The following HERC3 variants were observed in gnomAD, a reference collection of about 807,000 sequenced individuals.
The protein encoded by HERC3 is probable E3 ubiquitin-protein ligase HERC3.
HERC3 carries 58 observed loss-of-function variants against 129.9 expected under a neutral mutation model. The ratio of observed to expected loss-of-function variants is 0.45; its 90% confidence interval spans 0.36 to 0.56. The LOEUF is 0.56. Among genes scored for constraint, HERC3 ranks in the 20% least tolerant of loss-of-function variants. The pLI is 0.00. For synonymous variants in HERC3, 430 were observed against 451.0 expected (o/e 0.95, Z 0.59); for missense variants, 835 against 1,244.2 (o/e 0.67, Z 4.95).
intron 21 of HERC3, among the ~76,000 whole-genome samples, chr4:88,682,539 T>C: frequency 6.9e-6 from 1 of 145,432 alleles, no homozygotes; most frequent in Non-Finnish European, 1.5e-5. Flanking sequence ...GTTCTCATTG[T>C]TCAATTCCCA....
chr4:88,581,322 C>T, the HERC3 span, among the ~76,000 whole-genome samples: 17 of 150,212 alleles, frequency 1.1e-4, no homozygotes, highest in Admixed American at 6.0e-4. Flanking sequence ...TTTTTTGAGA[C>T]GGAGTTTCGC....
the HERC3 span, among the ~76,000 whole-genome samples, chr4:88,548,514 T>G: frequency 1.3e-5 from 2 of 152,326 alleles, no homozygotes; most frequent in East Asian, 3.9e-4. Flanking sequence ...GAGAAATGTA[T>G]GCTCAGATCC....
intron 16 of HERC3, among the ~76,000 whole-genome samples, chr4:88,671,441 A>G (rs1010657178): frequency 6.6e-6 from 1 of 152,202 alleles, no homozygotes; most frequent in African/African-American, 2.4e-5. Context: ...GCTAGACACA[A>G]TGTTGTATTT....
chr4:88,639,119 A>T (rs992818287), intron 3 of HERC3, among the ~76,000 whole-genome samples: 5 of 152,356 alleles, frequency 3.3e-5, no homozygotes, highest in South Asian at 2.1e-4. Context: ...AGAACATTCC[A>T]TCCTCATGGA....
chr4:88,653,217 G>C (rs1729485133), intron 6 of HERC3, 127 bp downstream of exon 6: 1 of 871,214 alleles, frequency 1.1e-6, no homozygotes, highest in Admixed American at 2.4e-5. Flanking sequence ...ACACAATAGA[G>C]AACATCCTCG....
chr4:88,684,499 CAAAACCCTAGAAGA>C (rs1181784216), intron 21 of HERC3, among the ~76,000 whole-genome samples: 24 of 151,780 alleles, frequency 1.6e-4, no homozygotes, highest in Non-Finnish European at 3.2e-4. Flanking sequence ...TGTAAAAACC[CAAAACCCTAGAAGA>C]AAAACCCTAG....
chr4:88,664,122 G>T, intron 11 of HERC3, 31 bp from the exon 12 acceptor site: 1 of 1,586,210 alleles, frequency 6.3e-7, no homozygotes, highest in Non-Finnish European at 8.6e-7. Flanking sequence ...AATTATTAAA[G>T]GCTTCCCCCT....
chr4:88,671,759 A>G (rs887529334), intron 16 of HERC3, among the ~76,000 whole-genome samples: 1 of 152,140 alleles, frequency 6.6e-6, no homozygotes, highest in African/African-American at 2.4e-5. Context: ...CATGAGCTCA[A>G]GTGATTCACC....
chr4:88,570,647 A>G, the HERC3 span, among the ~76,000 whole-genome samples: 1 of 152,194 alleles, frequency 6.6e-6, no homozygotes, highest in Non-Finnish European at 1.5e-5. Context: ...AGCTGATGTT[A>G]GTTAATATTT....
the HERC3 span, among the ~76,000 whole-genome samples, chr4:88,543,271 A>T: frequency 2.0e-5 from 3 of 152,256 alleles, no homozygotes; most frequent in African/African-American, 7.2e-5. Flanking sequence ...TGCAAATATC[A>T]CAAGCATTCC....
At chr4:88,615,027 A>T (rs1724748653) in intron 3 of HERC3, among the ~76,000 whole-genome samples, 1 of 152,174 alleles carries the variant, frequency 6.6e-6, no homozygotes. Context: ...ATACCTACAC[A>T]CATTATAAGG....
intron 2 of HERC3, 128 bp downstream of exon 2, chr4:88,595,742 A>T (rs1383962333): frequency 6.6e-6 from 1 of 152,132 alleles, no homozygotes; most frequent in Non-Finnish European, 1.5e-5. Context: ...ACCTAAACAA[A>T]TCTCAGTGCC....
At chr4:88,601,244 GC>G (rs1289343162) in intron 2 of HERC3, among the ~76,000 whole-genome samples, 1 of 152,152 alleles carries the variant, frequency 6.6e-6, no homozygotes, top group East Asian at 1.9e-4. Context: ...TTTCCTGAAA[GC>G]CTCAAGAGTT....
chr4:88,672,627 C>T (rs999535466), intron 16 of HERC3, among the ~76,000 whole-genome samples: 17 of 152,162 alleles, frequency 1.1e-4, no homozygotes, highest in African/African-American at 4.1e-4. Flanking sequence ...TTATTGAGCA[C>T]ATGCTCCAGT....
intron 9 of HERC3, among the ~76,000 whole-genome samples, chr4:88,657,597 C>G (rs574708968): frequency 1.1e-3 from 173 of 152,294 alleles, no homozygotes; most frequent in Non-Finnish European, 2.2e-3. Context: ...CTTCCATGGT[C>G]CTAAATTTGT....
chr4:88,673,243 C>G (rs1458268190), intron 16 of HERC3, among the ~76,000 whole-genome samples: 1 of 152,144 alleles, frequency 6.6e-6, no homozygotes, highest in Non-Finnish European at 1.5e-5. Context: ...TGTTTTGTCC[C>G]CAGTTATGAG....
intron 23 of HERC3, among the ~76,000 whole-genome samples, chr4:88,690,920 G>T (rs1192968215): frequency 6.6e-6 from 1 of 152,154 alleles, no homozygotes. Context: ...TTTGTTTAGG[G>T]TGATAAGCTG....
chr4:88,529,440 G>A, the HERC3 span, among the ~76,000 whole-genome samples: 1 of 152,260 alleles, frequency 6.6e-6, no homozygotes, highest in East Asian at 1.9e-4. Context: ...CTAGGAGACA[G>A]AGCAAGACCC....
At chr4:88,655,378 T>G (rs956327851) in intron 8 of HERC3, 74 bp downstream of exon 8, 5 of 1,528,424 alleles carry the variant, frequency 3.3e-6, no homozygotes, top group Admixed American at 3.4e-5. Context: ...TGATGAAGAA[T>G]GTGATTATAC....
Sources: allele counts gnomAD v4.1 joint callset (sites outside exome capture counted in the v4.1 genomes callset), GRCh38; gene constraint gnomAD v4.1.1; transcripts MANE v1.5; gene names NCBI Gene and HGNC (gene_info 2026-07-23, HGNC 2026-07-21).